STAMBPL1: variants seen among roughly 807,000 people sequenced by gnomAD.
STAMBPL1 encodes the protein STAM binding protein like 1.
A neutral mutation model predicts 52.9 loss-of-function variants in STAMBPL1; 44 were observed. That is an observed-to-expected ratio of 0.83 (90% CI 0.65 to 1.07). The LOEUF is 1.07. Ranked by LOEUF, STAMBPL1 falls within the 50% of genes least tolerant of loss-of-function variation. The pLI is 0.00. For synonymous variants in STAMBPL1, 164 were observed against 177.3 expected (o/e 0.92, Z 0.60); for missense variants, 511 against 520.8 (o/e 0.98, Z 0.18).
intron 1 of STAMBPL1, among the ~76,000 whole-genome samples, chr10:88,896,570 G>A (rs1844815363): frequency 1.3e-5 from 2 of 152,188 alleles, no homozygotes; most frequent in South Asian, 4.1e-4. Context: ...TTAGAAATGA[G>A]ACTGCTGGAG....
chr10:88,897,221 C>G (rs1245219562), intron 1 of STAMBPL1, among the ~76,000 whole-genome samples: 1 of 152,276 alleles, frequency 6.6e-6, no homozygotes, highest in East Asian at 1.9e-4. Flanking sequence ...TGGGCACAGT[C>G]GACTGCTCAG....
At chr10:88,914,500 T>C (rs1845316929) in intron 6 of STAMBPL1, 34 bp from the exon 7 acceptor site, 2 of 1,447,574 alleles carry the variant, frequency 1.4e-6, no homozygotes, top group East Asian at 5.4e-5. Context: ...ATATAGTTTG[T>C]TTTTTAGCCT....
intron 1 of STAMBPL1, among the ~76,000 whole-genome samples, chr10:88,892,383 G>A (rs1844710959): frequency 6.6e-6 from 1 of 150,904 alleles, no homozygotes; most frequent in African/African-American, 2.4e-5. Flanking sequence ...TGTGTGGCCA[G>A]CACACCCCTC....
At chr10:88,880,759 G>A (rs181246992) in intron 1 of STAMBPL1, 121 bp downstream of exon 1, 7 of 152,358 alleles carry the variant, frequency 4.6e-5, no homozygotes, top group African/African-American at 1.7e-4. Context: ...GTCCGGTCCC[G>A]GGCTGGCTCT....
rs1845281512 is a variant in STAMBPL1, at chr10:88,913,433, A to G, written c.753A>G (p.Pro251=). ...HSPPVNRALT[P]AATLSAVQNL... is the part of the protein sequence containing the mutation. ...CTCCTGTAAACAGGGCCTTAACGCC[A>G]GCTGCTACTCTAAGTGCTGTTCAGA... The change falls in exon 6 of 11, where the codon CCA becomes CCG. Residue 251 remains proline (P), a synonymous_variant. Transcript: ENST00000371926. The G allele has an allele frequency of 6.2e-7, 1 of 1,613,032 alleles. No individual in the cohort carries two copies. Among genetic ancestry groups the G allele is most frequent in the African/African-American group, 1.3e-5 (1 of 74,898 alleles).
intron 1 of STAMBPL1, among the ~76,000 whole-genome samples, chr10:88,884,288 G>A (rs1444891238): frequency 6.6e-6 from 1 of 152,152 alleles, no homozygotes; most frequent in Non-Finnish European, 1.5e-5. Context: ...TATTTGACAA[G>A]TAGGCTCTTA....
At position 88,910,982 on chromosome 10, in the gene STAMBPL1, G is replaced by T. The variant is rs148947892; in HGVS notation, c.391G>T (p.Val131Leu). Residue 131 changes from valine to leucine, a missense_variant, in exon 5 of 11, where the codon GTA (valine) becomes TTA (leucine). Physicochemically the swap from Val to Leu is conservative, Grantham distance 32. This residue lies in a region of STAMBPL1 where 358 missense variants were observed against 343.5 expected (regional missense o/e 1.04). Coordinates refer to ENST00000371926, the MANE Select transcript of STAMBPL1 (RefSeq NM_020799.4). ...AAACGACCTTTTAAAGAAATATAAC[G>T]TAGAATACCAAGAATATTTGCAAAG... is the stretch of plus-strand genomic sequence containing the variant. ...LKNDLLKKYN[V>L]EYQEYLQSKN... 1 of 1,592,580 alleles carries T rather than the reference G, an allele frequency of 6.3e-7. No individual in the cohort carries two copies. The highest frequency in any genetic ancestry group is 8.5e-7 in the Non-Finnish European group (1 of 1,172,232).
intron 4 of STAMBPL1, among the ~76,000 whole-genome samples, chr10:88,909,265 A>G (rs1050809328): frequency 5.9e-5 from 9 of 152,222 alleles, no homozygotes; most frequent in African/African-American, 2.4e-5. Context: ...CTAAAATACT[A>G]TAAAGGAAAA....
At chr10:88,908,914 T>A (rs1462350424) in intron 4 of STAMBPL1, 137 bp downstream of exon 4, 5 of 664,118 alleles carry the variant, frequency 7.5e-6, no homozygotes, top group Non-Finnish European at 1.2e-5. Context: ...AACTATGATG[T>A]TTCGATTTTT....
chr10:88,887,396 G>A (rs538327106), intron 1 of STAMBPL1, among the ~76,000 whole-genome samples: 11 of 151,850 alleles, frequency 7.2e-5, no homozygotes, highest in Middle Eastern at 3.4e-3. Flanking sequence ...TTTTTCTTTC[G>A]TCAAGTATAA....
rs750993477 is a variant in STAMBPL1, at chr10:88,908,787, GT to G, written c.324+14del. 6.3e-7 allele frequency: 1 copy of G among 1,595,904 alleles called. No homozygotes were observed. The highest frequency in any genetic ancestry group is 8.5e-7 in the Non-Finnish European group (1 of 1,172,208). On this transcript the variant is annotated intron_variant, in intron 4 of 10. Coordinates refer to ENST00000371926, the MANE Select transcript of STAMBPL1 (RefSeq NM_020799.4). ...GCAGGATATTATGAAGGTATTGTGG[GT>G]TTTCTTCTCCACTGTGGAATCAAAT... is the stretch of plus-strand genomic sequence containing the variant.
At chr10:88,893,276 T>A (rs1237558332) in intron 1 of STAMBPL1, among the ~76,000 whole-genome samples, 1 of 152,196 alleles carries the variant, frequency 6.6e-6, no homozygotes, top group Non-Finnish European at 1.5e-5. Context: ...ATTAGCACAT[T>A]GATGAGCATA....
chr10:88,901,730 A>G lies in STAMBPL1; in HGVS notation c.22A>G (p.Asn8Asp), dbSNP rs768891508. ...CAACATGGATCAGCCTTTTACTGTG[A>G]ATTCTCTGGTAGGTCACACCAGCTG... Reference protein sequence around the residue: MDQPFTVNSLKKLAAMPD... With the variant: MDQPFTVDSLKKLAAMPD... Residue 8 changes from asparagine (N) to aspartate (D), a missense_variant, in exon 2 of 11, where the codon AAT (asparagine) becomes GAT (aspartate). Asn to Asp is a conservative substitution (Grantham distance 23, BLOSUM62 1). Around this residue, in one of 3 missense-constraint regions of STAMBPL1, gnomAD observed 358 missense variants for 343.5 expected, o/e 1.04. Transcript: ENST00000371926. 1 of 1,612,664 alleles carries G rather than the reference A, an allele frequency of 6.2e-7. No homozygotes were observed. The highest frequency in any genetic ancestry group is 8.5e-7 in the Non-Finnish European group (1 of 1,179,440).
intron 1 of STAMBPL1, among the ~76,000 whole-genome samples, chr10:88,884,360 G>A (rs1422785669): frequency 6.6e-6 from 1 of 152,158 alleles, no homozygotes; most frequent in Non-Finnish European, 1.5e-5. Flanking sequence ...CTTGAAAGGT[G>A]GGGGTGGAAT....
chr10:88,884,557 T>G (rs1187386460), intron 1 of STAMBPL1, among the ~76,000 whole-genome samples: 1 of 152,176 alleles, frequency 6.6e-6, no homozygotes, highest in East Asian at 1.9e-4. Context: ...AAAGAAAACC[T>G]TAGGCAGATA....
In STAMBPL1 at chr10:88,923,196, T is replaced by G; in HGVS notation, c.1283T>G (p.Ile428Arg). ...TGCAAACATGTGTTGGTAAAAGACA[T>G]AAAAATAATTGTGTTGGATCTGAGG... ...SICKHVLVKD[I>R]KIIVLDLR is the part of the protein sequence containing the mutation. Residue 428 changes from isoleucine to arginine, a missense_variant, in exon 11 of 11, where the codon ATA (isoleucine) becomes AGA (arginine). Physicochemically the swap from Ile to Arg is moderately conservative, Grantham distance 97. Coordinates refer to ENST00000371926, the MANE Select transcript of STAMBPL1 (RefSeq NM_020799.4). 1 of 1,606,122 alleles carries G rather than the reference T, an allele frequency of 6.2e-7. No homozygotes were observed. The highest frequency in any genetic ancestry group is 8.5e-7 in the Non-Finnish European group (1 of 1,178,200).
At chr10:88,888,194 A>G (rs1325570648) in intron 1 of STAMBPL1, among the ~76,000 whole-genome samples, 5 of 152,170 alleles carry the variant, frequency 3.3e-5, no homozygotes, top group Admixed American at 6.5e-5. Context: ...AAAGTAAGAG[A>G]AGACATTAGT....
At chr10:88,901,926 A>G (rs868180519) in intron 2 of STAMBPL1, among the ~76,000 whole-genome samples, 188 bp downstream of exon 2, 1 of 152,206 alleles carries the variant, frequency 6.6e-6, no homozygotes, top group Non-Finnish European at 1.5e-5. Context: ...TTAAAAATAA[A>G]TTTTATTTTC....
At chr10:88,907,206 T>A (rs1256366400) in intron 3 of STAMBPL1, among the ~76,000 whole-genome samples, 1 of 152,142 alleles carries the variant, frequency 6.6e-6, no homozygotes, top group Non-Finnish European at 1.5e-5. Flanking sequence ...ATTTAAGAAG[T>A]TGAAAGATAC....
Sources: gnomAD v4.1 joint callset for allele counts (sites outside exome capture counted in the v4.1 genomes callset) on GRCh38, gnomAD v4.1.1 for gene constraint, gnomAD v4.1.1 regional missense constraint, MANE v1.5 for transcripts, NCBI Gene and HGNC (gene_info 2026-07-23, HGNC 2026-07-21) for gene names.